Variants in MACROD1 observed in about 807,000 individuals in gnomAD.
MACROD1 encodes the protein ADP-ribose glycohydrolase MACROD1.
A neutral mutation model predicts 41.4 loss-of-function variants in MACROD1; 31 were observed. The observed-to-expected ratio is 0.75, with a 90% CI of 0.56 to 1.01. The LOEUF (loss-of-function observed/expected upper bound fraction) is 1.01. Ranked by LOEUF, MACROD1 falls within the 50% of genes least tolerant of loss-of-function variation. The pLI is 0.00. For synonymous variants in MACROD1, 252 were observed against 203.4 expected (o/e 1.24, Z -2.03); for missense variants, 473 against 460.0 (o/e 1.03, Z -0.26).
chr11:64,157,898 C>T (rs571009740), intron 1 of MACROD1, among the ~76,000 whole-genome samples: 97 of 152,210 alleles, frequency 6.4e-4, no homozygotes, highest in South Asian at 1.7e-3. Context: ...CTCACCGGCC[C>T]GCAAGAACAG....
chr11:64,071,545 C>G (rs1230344688), intron 3 of MACROD1, among the ~76,000 whole-genome samples: 1 of 152,160 alleles, frequency 6.6e-6, no homozygotes, highest in Non-Finnish European at 1.5e-5. Flanking sequence ...CAGGGGCCCA[C>G]TCTGGGCAGG....
Position 64,165,902 on chromosome 11 carries a change from CA to C in MACROD1, c.92del (p.Leu31TrpfsTer59). ...LVPPRPRPGH[L>X]AGATRTRSST... The stretch of plus-strand genomic sequence containing the variant: ...TGCTGCGGGTCCTCGTGGCACCCGC[CA>C]AGTGTCCGGGCCGGGGGCGCGGGGG... On this transcript the variant is annotated frameshift_variant, in exon 1 of 11. Coordinates refer to ENST00000255681, the MANE Select transcript of MACROD1 (RefSeq NM_014067.4). LOFTEE classifies it high-confidence loss of function. 1 of 1,376,080 alleles carries C rather than the reference CA, an allele frequency of 7.3e-7. No individual in the cohort carries two copies. Among genetic ancestry groups the C allele is most frequent in the Non-Finnish European group, 9.3e-7 (1 of 1,070,352 alleles). 85.2% of individuals were successfully genotyped at this position (1,376,080 alleles called of 1,614,324 possible).
At chr11:64,141,610 T>C (rs1358901275) in intron 3 of MACROD1, among the ~76,000 whole-genome samples, 1 of 152,218 alleles carries the variant, frequency 6.6e-6, no homozygotes, top group Admixed American at 6.5e-5. Flanking sequence ...GCCAATTTAA[T>C]GGTCCCCATT....
chr11:64,076,483 T>A (rs1411753492), intron 3 of MACROD1, among the ~76,000 whole-genome samples: 1 of 152,160 alleles, frequency 6.6e-6, no homozygotes, highest in Non-Finnish European at 1.5e-5. Flanking sequence ...AATGGATGGA[T>A]GGACGGATGA....
At chr11:64,022,800 G>A (rs1192409737) in intron 3 of MACROD1, among the ~76,000 whole-genome samples, 2 of 151,816 alleles carry the variant, frequency 1.3e-5, no homozygotes, top group Non-Finnish European at 2.9e-5. Flanking sequence ...GGGAGCAGGG[G>A]CCTCACTGGA....
intron 1 of MACROD1, among the ~76,000 whole-genome samples, chr11:64,158,982 T>C (rs1195083018): frequency 3.1e-4 from 46 of 150,566 alleles, no homozygotes. Flanking sequence ...GCTCATGAGT[T>C]CAAGACCAGC....
rs189149836 is a variant in MACROD1 at position 64,163,307 on chromosome 11, A to T, written c.298+2390T>A. Among the ~76,000 whole-genome samples, 231 of 152,296 alleles carry T rather than the reference A, an allele frequency of 1.5e-3. 1 individual carries two copies. The highest frequency in any genetic ancestry group is 2.8e-3 in the African/African-American group (116 of 41,556). Reference sequence around the variant, plus strand: ...AAGAGTGAAACTGTCTCAAAAAAAAATTTTTTTAAGAAAATAAAAACACAC... The same window carrying T: ...AAGAGTGAAACTGTCTCAAAAAAAATTTTTTTTAAGAAAATAAAAACACAC... On this transcript the variant is annotated intron_variant, in intron 1 of 10. Transcript: ENST00000255681.
intron 7 of MACROD1, 62 bp downstream of exon 7, chr11:63,999,468 G>T: frequency 1.3e-6 from 2 of 1,565,940 alleles, no homozygotes; most frequent in Non-Finnish European, 1.7e-6. Flanking sequence ...TGTCCGCCCC[G>T]GCCCCTCCCG....
intron 3 of MACROD1, among the ~76,000 whole-genome samples, chr11:64,027,227 C>T (rs948597093): frequency 7.9e-5 from 12 of 152,162 alleles, no homozygotes; most frequent in Non-Finnish European, 1.8e-4. Flanking sequence ...ACCAGGCCCA[C>T]GGGGCCCTCC....
At chr11:64,015,484 G>A (rs1943068751) in intron 3 of MACROD1, among the ~76,000 whole-genome samples, 1 of 152,126 alleles carries the variant, frequency 6.6e-6, no homozygotes. Flanking sequence ...GGGTTTGTAG[G>A]GTGGTAGGGC....
intron 3 of MACROD1, among the ~76,000 whole-genome samples, chr11:64,147,989 TCGGCCTCCCACGGTGCTGGGATTACA>T (rs1243603355): frequency 2.0e-5 from 3 of 152,052 alleles, no homozygotes; most frequent in Non-Finnish European, 4.4e-5. Flanking sequence ...TCCTCTCGTC[TCGGCCTCCCACGGTGCTGGGATTACA>T]GGAGTGAGCT....
intron 3 of MACROD1, among the ~76,000 whole-genome samples, chr11:64,025,241 A>G (rs1943209544): frequency 1.3e-5 from 2 of 152,200 alleles, no homozygotes; most frequent in Non-Finnish European, 2.9e-5. Context: ...TACAGGTAGG[A>G]GCCACCATAC....
chr11:64,160,431 C>T (rs1292128357), intron 1 of MACROD1, among the ~76,000 whole-genome samples: 1 of 152,160 alleles, frequency 6.6e-6, no homozygotes, highest in Non-Finnish European at 1.5e-5. Flanking sequence ...AGAGAGGATC[C>T]TCTCAGGCAG....
intron 3 of MACROD1, among the ~76,000 whole-genome samples, chr11:64,134,315 CAG>C (rs1590955003): frequency 6.6e-6 from 1 of 152,156 alleles, no homozygotes; most frequent in Non-Finnish European, 1.5e-5. Context: ...CATGAGGTTG[CAG>C]AGAGAGTTGA....
intron 4 of MACROD1, among the ~76,000 whole-genome samples, chr11:64,003,713 T>C (rs1218033773): frequency 6.6e-6 from 1 of 152,158 alleles, no homozygotes; most frequent in East Asian, 1.9e-4. Flanking sequence ...GGCTGGAAGG[T>C]TGGGCTCCCA....
intron 3 of MACROD1, chr11:64,118,026 G>A (rs2134624749): frequency 6.2e-7 from 1 of 1,613,680 alleles, no homozygotes; most frequent in Non-Finnish European, 8.5e-7. Context: ...GCTGACCCGG[G>A]AGAGGGCCTA....
At chr11:64,134,746 C>G (rs909784680) in intron 3 of MACROD1, among the ~76,000 whole-genome samples, 4 of 152,242 alleles carry the variant, frequency 2.6e-5, no homozygotes, top group African/African-American at 9.6e-5. Flanking sequence ...TTCTTGATTA[C>G]TTGCGAAGTT....
At chr11:64,095,057 G>A (rs1345406349) in intron 3 of MACROD1, among the ~76,000 whole-genome samples, 1 of 152,150 alleles carries the variant, frequency 6.6e-6, no homozygotes, top group East Asian at 1.9e-4. Context: ...TCTCCTTAAG[G>A]CAGGCTCCCA....
chr11:63,999,041 G>GC lies in MACROD1; in HGVS notation c.892-6dup, dbSNP rs1942767893. ...GCAGATGATCAGCCGGTCCACCTGC[G>GC]CCAGGGGCTGCTCAGCCTGGGCCGA... On this transcript the variant is annotated splice_region_variant and splice_polypyrimidine_tract_variant and intron_variant, in intron 8 of 10. Transcript: ENST00000255681. The GC allele has an allele frequency of 1.3e-6, 2 of 1,598,702 alleles. No individual in the cohort carries two copies. The highest frequency in any genetic ancestry group is 2.7e-5 in the African/African-American group (2 of 74,872).
Sources: gnomAD v4.1 joint callset for allele counts (sites outside exome capture counted in the v4.1 genomes callset) on GRCh38, gnomAD v4.1.1 for gene constraint, MANE v1.5 for transcripts, NCBI Gene and HGNC (gene_info 2026-07-23, HGNC 2026-07-21) for gene names.